NPHP4: variants seen among roughly 807,000 people sequenced by gnomAD.
NPHP4 encodes nephrocystin 4, also known as nephrocystin-4.
NPHP4 carries 151 observed loss-of-function variants against 155.8 expected under a neutral mutation model. The observed-to-expected ratio is 0.97, with a 90% confidence interval of 0.85 to 1.11. NPHP4 has a LOEUF of 1.11. Ranked by LOEUF, NPHP4 falls within the 50% of genes least tolerant of loss-of-function variation. NPHP4 has a pLI of 0.00. For synonymous variants in NPHP4, 845 were observed against 816.8 expected (o/e 1.03, Z -0.59); for missense variants, 1,956 against 1,925.7 (o/e 1.02, Z -0.29).
chr1:5,922,277 T>C (rs1645780645), intron 11 of NPHP4, among the ~76,000 whole-genome samples: 1 of 152,236 alleles, frequency 6.6e-6, no homozygotes. Flanking sequence ...GGACCCACTT[T>C]GGACTTCTGA....
At chr1:5,988,703 GTGT>G in intron 1 of NPHP4, among the ~76,000 whole-genome samples, 1 of 152,340 alleles carries the variant, frequency 6.6e-6, no homozygotes, top group East Asian at 1.9e-4. Flanking sequence ...CTCCCGGCAT[GTGT>G]GGGAACCGAG....
intron 19 of NPHP4, 110 bp from the exon 20 acceptor site, chr1:5,877,408 G>A: frequency 2.6e-6 from 2 of 772,690 alleles, no homozygotes. Flanking sequence ...GAGCTCAAGA[G>A]TGCGGCTCAT....
intron 10 of NPHP4, among the ~76,000 whole-genome samples, chr1:5,931,600 G>A (rs980895887): frequency 6.6e-6 from 1 of 151,786 alleles, no homozygotes; most frequent in Admixed American, 6.6e-5. Context: ...CAGGCATGGT[G>A]GTGGGCACCT....
chr1:5,934,624 C>A (rs961091179), intron 9 of NPHP4, among the ~76,000 whole-genome samples: 15 of 152,288 alleles, frequency 9.8e-5, no homozygotes, highest in Middle Eastern at 3.4e-3. Flanking sequence ...CTCCCAGTCC[C>A]GGGCTTGGCT....
intron 2 of NPHP4, among the ~76,000 whole-genome samples, chr1:5,984,988 G>A (rs1655254284): frequency 6.6e-6 from 1 of 152,186 alleles, no homozygotes; most frequent in Non-Finnish European, 1.5e-5. Flanking sequence ...CAGCCTCATA[G>A]AGCTGCTCTG....
chr1:5,927,579 C>A, intron 11 of NPHP4, 70 bp downstream of exon 11: 2 of 1,501,550 alleles, frequency 1.3e-6, no homozygotes, highest in South Asian at 2.5e-5. Context: ...GACTAAGTAC[C>A]TTTCCCCGGG....
chr1:5,969,427 C>G (rs1652156246), intron 3 of NPHP4, among the ~76,000 whole-genome samples, 168 bp from the exon 4 acceptor site: 2 of 152,156 alleles, frequency 1.3e-5, no homozygotes, highest in Non-Finnish European at 2.9e-5. Flanking sequence ...GCCAGGGAAG[C>G]AGGCACACTG....
At chr1:5,879,409 G>T in intron 19 of NPHP4, 1 of 415,778 alleles carries the variant, frequency 2.4e-6, no homozygotes, top group Non-Finnish European at 4.8e-6. Flanking sequence ...ACCAAACCCA[G>T]GTCTTCCTCT....
rs750192016 is a variant in NPHP4 at position 5,863,878 on chromosome 1, G to A, written c.4140+12C>T. 9 of 1,613,574 alleles carry A rather than the reference G, an allele frequency of 5.6e-6. No individual in the cohort carries two copies. The highest frequency in any genetic ancestry group is 5.9e-6 in the Non-Finnish European group (7 of 1,179,816). Reference sequence around the variant, plus strand: ...TCTTCCCCTAGGAGTCCCAGGCACAGCCCCACCACACCTGGAAGGAGTCCT... The same window carrying A: ...TCTTCCCCTAGGAGTCCCAGGCACAACCCCACCACACCTGGAAGGAGTCCT... On this transcript the variant is annotated intron_variant, in intron 29 of 29. Transcript: ENST00000378156.
intron 1 of NPHP4, among the ~76,000 whole-genome samples, chr1:5,990,736 G>A (rs1289502686): frequency 6.6e-6 from 1 of 152,150 alleles, no homozygotes; most frequent in African/African-American, 2.4e-5. Context: ...AGAGGCCAAG[G>A]GAGAAGAGAG....
At chr1:5,985,243 C>G (rs535490945) in intron 2 of NPHP4, among the ~76,000 whole-genome samples, 2 of 152,390 alleles carry the variant, frequency 1.3e-5, no homozygotes, top group Admixed American at 6.5e-5. Context: ...CAAGCCAAAT[C>G]CTGTAAAAAG....
Position 5,889,995 on chromosome 1 carries a change from G to T in NPHP4, c.2304+873C>A, listed in dbSNP as rs111572423. ...ACCATGCCTCAGAGGAAGAGCAGCT[G>T]GAAAAACTCCCATACCCCATCCCCC... On this transcript the variant is annotated intron_variant, in intron 17 of 29. Coordinates refer to ENST00000378156, the MANE Select transcript of NPHP4 (RefSeq NM_015102.5). This position sits in a 1 kb window ranked among gnomAD's most constrained non-coding sequence, Gnocchi z 4.2. Among the ~76,000 whole-genome samples the T allele has an allele frequency of 3.3e-3, 495 of 152,266 alleles. 3 individuals are homozygous for T. The highest frequency in any genetic ancestry group is 0.011 in the African/African-American group (467 of 41,546).
In NPHP4 at chr1:5,890,828, C is replaced by CGCA; in HGVS notation, c.2304+37_2304+39dup. On this transcript the variant is annotated intron_variant, in intron 17 of 29. Transcript: ENST00000378156. The surrounding 1 kb of genome is among the most constrained non-coding windows in gnomAD (Gnocchi z 4.9). Reference sequence around the variant, plus strand: ...GAAGCGTGACTCGTCCCATGAGGGACGCAGCACCCACTGTGCCTGTCCTTC... The same window carrying CGCA: ...GAAGCGTGACTCGTCCCATGAGGGACGCAGCAGCACCCACTGTGCCTGTCCTTC... 6.3e-7 allele frequency: 1 copy of CGCA among 1,581,460 alleles called. No individual in the cohort carries two copies. The highest frequency in any genetic ancestry group is 8.6e-7 in the Non-Finnish European group (1 of 1,157,670).
intron 23 of NPHP4, among the ~76,000 whole-genome samples, chr1:5,872,016 A>C (rs1272654385): frequency 6.6e-6 from 1 of 152,162 alleles, no homozygotes; most frequent in Non-Finnish European, 1.5e-5. Flanking sequence ...GATTATTTTA[A>C]GGTGAAAAGA....
intron 6 of NPHP4, among the ~76,000 whole-genome samples, chr1:5,953,384 G>A (rs982087510): frequency 2.6e-5 from 4 of 152,120 alleles, no homozygotes; most frequent in Admixed American, 6.5e-5. Flanking sequence ...GATTACAGGC[G>A]TGAGCCACCA....
At chr1:5,908,395 G>A (rs972183850) in intron 12 of NPHP4, among the ~76,000 whole-genome samples, 4 of 152,214 alleles carry the variant, frequency 2.6e-5, no homozygotes, top group Non-Finnish European at 4.4e-5. Context: ...AGACAGCCAT[G>A]GATACTGAAT....
Position 5,891,048 on chromosome 1 carries a change from G to T in NPHP4, c.2144-20C>A. The T allele has an allele frequency of 6.7e-7, 1 of 1,486,388 alleles. No homozygotes were observed. Among genetic ancestry groups the T allele is most frequent in the Non-Finnish European group, 9.0e-7 (1 of 1,105,882 alleles). 92.1% of individuals were successfully genotyped at this position (1,486,388 alleles called of 1,614,324 possible). On this transcript the variant is annotated intron_variant, in intron 16 of 29. Transcript: ENST00000378156. ...GAGACCCTGTCAAAGAGGCACCAAA[G>T]GAGGCCAAAAGTAATTGGAGTCATT...
At chr1:5,873,828 C>T (rs948687655) in intron 22 of NPHP4, 1 of 257,358 alleles carries the variant, frequency 3.9e-6, no homozygotes, top group Non-Finnish European at 7.6e-6. Flanking sequence ...ACACACCTCA[C>T]ATACTCCCTG....
intron 11 of NPHP4, 57 bp from the exon 12 acceptor site, chr1:5,909,270 G>C: frequency 7.2e-7 from 1 of 1,382,144 alleles, no homozygotes; most frequent in South Asian, 1.2e-5. Context: ...GTTGGGGGCA[G>C]TGGGCCCCTG....
Sources: gnomAD v4.1 joint callset for allele counts (sites outside exome capture counted in the v4.1 genomes callset) on GRCh38, gnomAD v4.1.1 for gene constraint, Gnocchi (gnomAD v3.1) non-coding constraint, MANE v1.5 for transcripts, NCBI Gene and HGNC (gene_info 2026-07-23, HGNC 2026-07-21) for gene names.